Variants in DCDC1 observed in about 807,000 individuals in gnomAD.
DCDC1 encodes doublecortin domain-containing protein 1.
A neutral mutation model predicts 178.3 loss-of-function variants in DCDC1; 200 were observed. That is an observed-to-expected ratio of 1.12 (90% CI 1.00 to 1.26). The LOEUF (loss-of-function observed/expected upper bound fraction) is 1.26. DCDC1 is among the 50% of genes most tolerant of loss of function. DCDC1 has a pLI of 0.00. For missense variants in DCDC1, 1,983 were observed against 1,749.2 expected, an observed-to-expected ratio of 1.13 and a Z score of -2.38; for synonymous variants, 690 against 604.8, an observed-to-expected ratio of 1.14 and a Z score of -2.07.
At chr11:31,360,836 C>T (rs1951672663) in intron 1 of DCDC1, among the ~76,000 whole-genome samples, 1 of 152,148 alleles carries the variant, frequency 6.6e-6, no homozygotes, top group African/African-American at 2.4e-5. Flanking sequence ...TTGGAATCAT[C>T]ATTCTGATTC....
chr11:31,270,048 G>C (rs1411910922), intron 7 of DCDC1, among the ~76,000 whole-genome samples: 1 of 152,120 alleles, frequency 6.6e-6, no homozygotes, highest in Non-Finnish European at 1.5e-5. Flanking sequence ...ATGGTTCTAT[G>C]AGTTAATGCC....
At chr11:30,907,483 A>G (rs1945145789) in intron 29 of DCDC1, among the ~76,000 whole-genome samples, 1 of 152,192 alleles carries the variant, frequency 6.6e-6, no homozygotes, top group South Asian at 2.1e-4. Context: ...GCTTTGGCCA[A>G]CACAGCACTA....
At chr11:31,335,815 A>T (rs1332411649) in intron 1 of DCDC1, among the ~76,000 whole-genome samples, 1 of 152,210 alleles carries the variant, frequency 6.6e-6, no homozygotes, top group Non-Finnish European at 1.5e-5. Flanking sequence ...ATACTGATTA[A>T]AATAGCTACA....
At chr11:31,036,780 T>C (rs1359227051) in intron 20 of DCDC1, among the ~76,000 whole-genome samples, 1 of 152,214 alleles carries the variant, frequency 6.6e-6, no homozygotes, top group Non-Finnish European at 1.5e-5. Flanking sequence ...GAGTCAACTG[T>C]AATGATCTTA....
intron 9 of DCDC1, among the ~76,000 whole-genome samples, chr11:31,219,288 AT>A (rs964888994): frequency 2.8e-4 from 42 of 152,056 alleles, no homozygotes; most frequent in African/African-American, 9.9e-4. Flanking sequence ...CAAAAACAAG[AT>A]TTTTTTTAAC....
At chr11:31,299,703 A>G (rs1441917208) in intron 6 of DCDC1, among the ~76,000 whole-genome samples, 4 of 152,200 alleles carry the variant, frequency 2.6e-5, no homozygotes, top group African/African-American at 9.6e-5. Context: ...TTGTATGAAA[A>G]GCTTGTGGAA....
At chr11:31,174,754 T>C (rs1175269801) in intron 9 of DCDC1, among the ~76,000 whole-genome samples, 2 of 152,124 alleles carry the variant, frequency 1.3e-5, no homozygotes, top group African/African-American at 2.4e-5. Context: ...CAACCAGCTG[T>C]GGAGAGGAGC....
At chr11:31,088,943 G>C (rs1957636077) in intron 17 of DCDC1, among the ~76,000 whole-genome samples, 3 of 152,084 alleles carry the variant, frequency 2.0e-5, no homozygotes, top group Admixed American at 6.6e-5. Flanking sequence ...CAAGTGATCT[G>C]CCCACCTCAG....
intron 9 of DCDC1, among the ~76,000 whole-genome samples, chr11:31,226,831 T>C (rs891133860): frequency 4.2e-4 from 63 of 151,744 alleles, no homozygotes; most frequent in Admixed American, 3.9e-3. Flanking sequence ...AACCCATAAG[T>C]ATGTGGGTGA....
At chr11:31,121,215 T>C (rs1412148050) in intron 11 of DCDC1, among the ~76,000 whole-genome samples, 2 of 151,742 alleles carry the variant, frequency 1.3e-5, no homozygotes, top group African/African-American at 4.8e-5. Flanking sequence ...CAAATACAAA[T>C]AAATTGTGGT....
intron 9 of DCDC1, among the ~76,000 whole-genome samples, chr11:31,228,652 T>A (rs1283881018): frequency 6.6e-6 from 1 of 151,878 alleles, no homozygotes; most frequent in East Asian, 1.9e-4. Context: ...ATTAATCAAC[T>A]CAGCTAGACG....
At chr11:31,111,403 T>C (rs1485936022) in intron 11 of DCDC1, among the ~76,000 whole-genome samples, 2 of 152,104 alleles carry the variant, frequency 1.3e-5, no homozygotes, top group Non-Finnish European at 2.9e-5. Context: ...TTCCTCAGCC[T>C]TTAGTCATAA....
chr11:30,892,408 T>C (rs536030010), intron 36 of DCDC1, among the ~76,000 whole-genome samples: 75 of 152,162 alleles, frequency 4.9e-4, no homozygotes, highest in Non-Finnish European at 3.1e-4. Context: ...GTGAACTGGA[T>C]TTAAAATGGA....
chr11:31,062,760 TATAAA>T (rs1956007359), intron 20 of DCDC1, among the ~76,000 whole-genome samples: 1 of 152,008 alleles, frequency 6.6e-6, no homozygotes, highest in African/African-American at 2.4e-5. Flanking sequence ...AATTTAGTAA[TATAAA>T]ATAGCTTTTT....
chr11:31,236,305 T>C lies in DCDC1; in HGVS notation c.1221+5145A>G, dbSNP rs915573900. ...TGTCACAGTCGATCTCCACATATCC[T>C]CTTTATCAACATTTTATGTGCCATG... On this transcript the variant is annotated intron_variant, in intron 9 of 38. Coordinates refer to ENST00000684477, the MANE Select transcript of DCDC1 (RefSeq NM_001387274.1). Among the ~76,000 whole-genome samples, 7 of 152,068 alleles carry C rather than the reference T, an allele frequency of 4.6e-5. No individual in the cohort carries two copies. In the East Asian group the frequency reaches 9.6e-4, roughly 21 times the overall value.
At position 31,174,104 on chromosome 11, in the gene DCDC1, T is replaced by C. The variant is rs527802853; in HGVS notation, c.1222-36320A>G. On this transcript the variant is annotated intron_variant, in intron 9 of 38. Transcript: ENST00000684477. ...CTGCAGCTGCAGACCCAGGCATCCCTGTGCTCTTGGGAGCCAGGAGCAGAA... is the reference window on the plus strand; with the variant it reads ...CTGCAGCTGCAGACCCAGGCATCCCCGTGCTCTTGGGAGCCAGGAGCAGAA... 9.9e-5 allele frequency among the ~76,000 whole-genome samples: 15 copies of C among 152,230 alleles called. No individual in the cohort carries two copies. The South Asian group carries it at 3.1e-3, about 32-fold the overall frequency.
chr11:31,050,626 A>ACAGC (rs1291714371), intron 20 of DCDC1, among the ~76,000 whole-genome samples: 1 of 152,138 alleles, frequency 6.6e-6, no homozygotes, highest in Non-Finnish European at 1.5e-5. Flanking sequence ...CTCCACCAGA[A>ACAGC]CAGCCACTGG....
At chr11:31,135,539 C>T (rs1963017980) in intron 10 of DCDC1, among the ~76,000 whole-genome samples, 1 of 152,106 alleles carries the variant, frequency 6.6e-6, no homozygotes, top group Admixed American at 6.5e-5. Context: ...TTAGAACTTA[C>T]ACATCCAGAT....
At chr11:31,161,904 A>C (rs924331927) in intron 9 of DCDC1, among the ~76,000 whole-genome samples, 4 of 152,220 alleles carry the variant, frequency 2.6e-5, no homozygotes, top group Non-Finnish European at 5.9e-5. Flanking sequence ...TCATCTGATA[A>C]ATCTTCAATT....
Sources: allele counts gnomAD v4.1 joint callset (sites outside exome capture counted in the v4.1 genomes callset), GRCh38; gene constraint gnomAD v4.1.1; transcripts MANE v1.5; gene names NCBI Gene and HGNC (gene_info 2026-07-23, HGNC 2026-07-21).